PPP1R12B: variants seen among roughly 807,000 people sequenced by gnomAD.
PPP1R12B encodes the protein myosin phosphatase target subunit 2.
In PPP1R12B, 76 loss-of-function variants were observed where a neutral mutation model predicts 126.1. That is an observed-to-expected ratio of 0.60 (90% CI 0.50 to 0.73). The LOEUF (loss-of-function observed/expected upper bound fraction) is 0.73, where lower values mean the gene tolerates loss of function less well. PPP1R12B is among the 30% of genes least tolerant of loss of function. The pLI is 0.00. For missense variants in PPP1R12B, 1,052 were observed against 1,205.1 expected (o/e 0.87, Z 1.88); for synonymous variants, 356 against 434.7 (o/e 0.82, Z 2.25).
In PPP1R12B at chr1:202,437,940, G is replaced by A. The variant is rs1572018069; in HGVS notation, c.1374G>A (p.Arg458=). Residue 458 remains arginine (R), a synonymous_variant, in exon 10 of 24, where the codon AGG becomes AGA. Coordinates refer to ENST00000608999, the MANE Select transcript of PPP1R12B (RefSeq NM_002481.4). ...HNMLSEVANS[R]EPIRDRGSSI... ...TGCTGAGTGAGGTGGCCAATTCCAG[G>A]GAACCTATAAGGGACCGAGGCTCTT... The A allele has an allele frequency of 1.2e-6, 2 of 1,614,084 alleles. No individual in the cohort carries two copies. Among genetic ancestry groups the A allele is most frequent in the East Asian group, 4.5e-5 (2 of 44,870 alleles).
At chr1:202,395,565 A>G (rs1664850949) in intron 1 of PPP1R12B, among the ~76,000 whole-genome samples, 1 of 152,172 alleles carries the variant, frequency 6.6e-6, no homozygotes, top group African/African-American at 2.4e-5. Flanking sequence ...TTCCACAGTT[A>G]TACCCACGAC....
At chr1:202,471,921 G>A in intron 13 of PPP1R12B, 1 of 1,596,682 alleles carries the variant, frequency 6.3e-7, no homozygotes, top group Non-Finnish European at 8.5e-7. Context: ...TCCTCCCGTA[G>A]GCTGGCAGAG....
At chr1:202,543,701 C>T (rs1685355705) in intron 18 of PPP1R12B, among the ~76,000 whole-genome samples, 1 of 152,200 alleles carries the variant, frequency 6.6e-6, no homozygotes, top group African/African-American at 2.4e-5. Flanking sequence ...TGCACCATTG[C>T]ACTCCAGCCT....
chr1:202,495,666 A>G lies in PPP1R12B; in HGVS notation c.2432A>G (p.Asn811Ser). Residue 811 changes from asparagine (N) to serine (S), a missense_variant, in exon 17 of 24, where the codon AAT (asparagine) becomes AGT (serine). Coordinates refer to ENST00000608999, the MANE Select transcript of PPP1R12B (RefSeq NM_002481.4). ...PKERRRGTGI[N>S]FWTKDEDETD... ...GAACGACGAAGAGGCACAGGCATCA[A>G]TTTCTGGACAAAGGATGTAAGTGGA... 1 of 1,614,036 alleles carries G rather than the reference A, an allele frequency of 6.2e-7. No individual in the cohort carries two copies. Among genetic ancestry groups the G allele is most frequent in the Non-Finnish European group, 8.5e-7 (1 of 1,179,936 alleles).
In PPP1R12B at chr1:202,482,472, T is replaced by C. The variant is rs576766243; in HGVS notation, c.1851-6061T>C. 4.6e-5 allele frequency among the ~76,000 whole-genome samples: 7 copies of C among 152,370 alleles called. No individual in the cohort carries two copies. The South Asian group carries it at 1.2e-3, about 27-fold the overall frequency. On this transcript the variant is annotated intron_variant, in intron 13 of 23. Transcript: ENST00000608999. ...GTACCTATTGTGGTTTTGATTTTCA[T>C]TTCCCTGATGGTTTGTGATGTTGAC... is the stretch of plus-strand genomic sequence containing the variant.
intron 18 of PPP1R12B, among the ~76,000 whole-genome samples, chr1:202,506,102 T>G (rs977651932): frequency 1.3e-5 from 2 of 152,166 alleles, no homozygotes; most frequent in African/African-American, 4.8e-5. Context: ...GGGAAAAAGA[T>G]AGAGACTGAG....
chr1:202,524,497 A>T (rs1282456726), intron 18 of PPP1R12B, among the ~76,000 whole-genome samples: 1 of 152,118 alleles, frequency 6.6e-6, no homozygotes, highest in African/African-American at 2.4e-5. Flanking sequence ...CCCAATGTGT[A>T]GTCTTTTATT....
intron 18 of PPP1R12B, among the ~76,000 whole-genome samples, chr1:202,512,029 A>G (rs1432355445): frequency 6.6e-6 from 1 of 152,202 alleles, no homozygotes; most frequent in Non-Finnish European, 1.5e-5. Context: ...AAATACAGAC[A>G]TGGAAGTCAT....
At chr1:202,547,709 G>T (rs1032720955) in intron 18 of PPP1R12B, among the ~76,000 whole-genome samples, 3 of 152,210 alleles carry the variant, frequency 2.0e-5, no homozygotes, top group African/African-American at 7.2e-5. Context: ...TTGTCTGGAA[G>T]GACATATATC....
At chr1:202,559,082 A>G (rs987923974) in intron 19 of PPP1R12B, among the ~76,000 whole-genome samples, 189 bp downstream of exon 19, 1 of 152,186 alleles carries the variant, frequency 6.6e-6, no homozygotes, top group Non-Finnish European at 1.5e-5. Context: ...AAGCTTTTCA[A>G]TTTACCTTCC....
At chr1:202,567,512 T>C (rs1388215644) in intron 21 of PPP1R12B, 1 of 455,102 alleles carries the variant, frequency 2.2e-6, no homozygotes, top group East Asian at 3.5e-5. Context: ...AGAGAGATTG[T>C]GTGTTGTAAG....
chr1:202,533,425 G>C (rs2148944814), intron 18 of PPP1R12B, among the ~76,000 whole-genome samples: 1 of 152,140 alleles, frequency 6.6e-6, no homozygotes, highest in East Asian at 1.9e-4. Context: ...TGAGTAGCTG[G>C]GACTACGGTG....
intron 13 of PPP1R12B, among the ~76,000 whole-genome samples, chr1:202,476,077 G>A (rs1362725443): frequency 2.0e-5 from 3 of 151,774 alleles, no homozygotes; most frequent in African/African-American, 7.3e-5. Context: ...GGTGGCATGC[G>A]CCTGTAGTCC....
In PPP1R12B at chr1:202,437,815, T is replaced by A; in HGVS notation, c.1255-6T>A. Reference sequence around the variant, plus strand: ...TTTTCATTTCTTTTATTTGCTTCTCTCATAGTTCTCTTCTGGCCTTTTTAA... The same window carrying A: ...TTTTCATTTCTTTTATTTGCTTCTCACATAGTTCTCTTCTGGCCTTTTTAA... On this transcript the variant is annotated splice_polypyrimidine_tract_variant and splice_region_variant and intron_variant, in intron 9 of 23. Coordinates refer to ENST00000608999, the MANE Select transcript of PPP1R12B (RefSeq NM_002481.4). 6.3e-7 allele frequency: 1 copy of A among 1,593,502 alleles called. No homozygotes were observed. The highest frequency in any genetic ancestry group is 1.1e-5 in the South Asian group (1 of 88,380).
chr1:202,477,867 C>A (rs1676867872), intron 13 of PPP1R12B, among the ~76,000 whole-genome samples: 1 of 152,206 alleles, frequency 6.6e-6, no homozygotes, highest in African/African-American at 2.4e-5. Flanking sequence ...TTCCTGCCCT[C>A]TAGGAAACAT....
rs1458608161 is a variant in PPP1R12B, at chr1:202,592,251, G to C, written c.*11691G>C. 1 of 152,782 alleles carries C rather than the reference G, an allele frequency of 6.5e-6. No homozygotes were observed. 9.5% of individuals were successfully genotyped at this position (152,782 alleles called of 1,614,324 possible). A position where few individuals can be genotyped will look rare whatever the true frequency, so the allele number is the denominator to read the frequency against. ...GGCTGGACACTGCACCGGGCCCTGA[G>C]GTTTGGCTCTGCAGGCAGATGTGCA... On this transcript the variant is annotated 3_prime_UTR_variant, in exon 24 of 24. Transcript: ENST00000608999.
intron 12 of PPP1R12B, among the ~76,000 whole-genome samples, chr1:202,447,206 A>G (rs1672400109): frequency 6.6e-6 from 1 of 152,194 alleles, no homozygotes; most frequent in African/African-American, 2.4e-5. Context: ...GCATACATAT[A>G]TCATCTATTC....
chr1:202,580,414 G>T (rs1689480576), intron 23 of PPP1R12B, 60 bp from the exon 24 acceptor site: 1 of 1,402,764 alleles, frequency 7.1e-7, no homozygotes, highest in Non-Finnish European at 1.0e-6. Context: ...GGCCTGGTCA[G>T]GGAGGGCCAA....
intron 10 of PPP1R12B, 65 bp from the exon 11 acceptor site, chr1:202,440,641 T>C (rs753362679): frequency 2.9e-5 from 36 of 1,238,288 alleles, no homozygotes; most frequent in Non-Finnish European, 4.1e-5. Context: ...GCTTTTTTAC[T>C]CAAAATGTTT....
Sources: gnomAD v4.1 joint callset for allele counts (sites outside exome capture counted in the v4.1 genomes callset) on GRCh38, gnomAD v4.1.1 for gene constraint, MANE v1.5 for transcripts, NCBI Gene and HGNC (gene_info 2026-07-23, HGNC 2026-07-21) for gene names.